The following C2CD3 variants were observed in gnomAD, a reference collection of about 807,000 sequenced individuals.
The protein encoded by C2CD3 is C2 domain-containing protein 3.
C2CD3 carries 148 observed loss-of-function variants against 234.0 expected under a neutral mutation model. That is an observed-to-expected ratio of 0.63 (90% confidence interval 0.55 to 0.72). The LOEUF is 0.72. Among genes scored for constraint, C2CD3 ranks in the 30% least tolerant of loss-of-function variants. The probability of loss-of-function intolerance (pLI) is 0.00; values close to 1 mark genes in which losing one functional copy is unlikely to be tolerated. For missense variants in C2CD3, 2,577 were observed against 2,811.5 expected (o/e 0.92, Z 1.89); for synonymous variants, 1,000 against 1,035.4 (o/e 0.97, Z 0.66).
chr11:74,147,790 T>C (rs1396081259), intron 3 of C2CD3, among the ~76,000 whole-genome samples: 4 of 152,258 alleles, frequency 2.6e-5, no homozygotes, highest in African/African-American at 9.6e-5. Context: ...TACTTTTTTG[T>C]ATTTTTCCAT....
intron 32 of C2CD3, among the ~76,000 whole-genome samples, chr11:74,015,503 C>A (rs4300409): frequency 4.6e-5 from 7 of 152,208 alleles, no homozygotes; most frequent in African/African-American, 1.7e-4. Flanking sequence ...TGACCCCCAG[C>A]TGTACTGCAG....
intron 29 of C2CD3, among the ~76,000 whole-genome samples, chr11:74,041,048 G>A (rs1953024851): frequency 1.3e-5 from 2 of 148,868 alleles, no homozygotes; most frequent in African/African-American, 5.0e-5. Context: ...AAATCTGTAT[G>A]GGTAACTTTT....
chr11:74,138,944 G>A lies in C2CD3; in HGVS notation c.731C>T (p.Ala244Val), dbSNP rs566199606. ...TPRGKDHVCF[A>V]ENPDTIKDSS... ...ATCCTTTATTGTATCAGGGTTCTCT[G>A]CAAAGCATACATGGTCTTTTCCCCT... Residue 244 changes from alanine (A) to valine (V), a missense_variant, in exon 5 of 33, where the codon GCA becomes GTA. Coordinates refer to ENST00000334126, the MANE Select transcript of C2CD3 (RefSeq NM_001286577.2). 5 of 1,611,048 alleles carry A rather than the reference G, an allele frequency of 3.1e-6. No homozygotes were observed. In the Admixed American group the frequency reaches 6.7e-5, roughly 21 times the overall value.
chr11:74,147,137 C>T (rs1262170485), intron 3 of C2CD3, among the ~76,000 whole-genome samples: 1 of 151,964 alleles, frequency 6.6e-6, no homozygotes, highest in African/African-American at 2.4e-5. Context: ...GAAAGCAGGC[C>T]AGGCACAGTG....
intron 20 of C2CD3, among the ~76,000 whole-genome samples, chr11:74,090,056 G>A (rs1955815699): frequency 6.6e-6 from 1 of 152,174 alleles, no homozygotes. Context: ...CAAAGGCCTT[G>A]AGAGGAAAAT....
chr11:74,098,480 A>G (rs187853680), intron 15 of C2CD3, among the ~76,000 whole-genome samples: 1 of 152,316 alleles, frequency 6.6e-6, no homozygotes, highest in Admixed American at 6.5e-5. Flanking sequence ...TGTGTCTGAT[A>G]TGTCTCTGTA....
chr11:74,138,668 G>A (rs1438431216), intron 5 of C2CD3, 52 bp downstream of exon 5: 8 of 1,463,816 alleles, frequency 5.5e-6, no homozygotes, highest in South Asian at 1.2e-5. Context: ...AACAAGCAGA[G>A]CAATCCCATA....
Position 74,156,862 on chromosome 11 carries a change from G to A in C2CD3, c.483+4537C>T, listed in dbSNP as rs145540518. Among the ~76,000 whole-genome samples the A allele has an allele frequency of 2.8e-3, 430 of 152,270 alleles. 2 individuals carry two copies. The highest frequency in any genetic ancestry group is 9.8e-3 in the African/African-American group (408 of 41,560). On this transcript the variant is annotated intron_variant, in intron 3 of 32. Transcript: ENST00000334126. ...GGTGTGCACCTGTAGTCCCAGCTACGCTGGAGGCTGTGGTGGGAGACTTGC... is the reference window on the plus strand; with the variant it reads ...GGTGTGCACCTGTAGTCCCAGCTACACTGGAGGCTGTGGTGGGAGACTTGC...
intron 3 of C2CD3, among the ~76,000 whole-genome samples, chr11:74,140,145 C>T (rs1048651470): frequency 6.6e-6 from 1 of 150,550 alleles, no homozygotes; most frequent in Non-Finnish European, 1.5e-5. Flanking sequence ...CCATTCCCTA[C>T]AGGATTGTAA....
intron 32 of C2CD3, among the ~76,000 whole-genome samples, chr11:74,025,695 T>G (rs936125060): frequency 6.6e-6 from 1 of 152,064 alleles, no homozygotes; most frequent in Non-Finnish European, 1.5e-5. Flanking sequence ...TCCACTATAC[T>G]GTGGGAGTAG....
At chr11:74,116,920 A>G (rs1309900927) in intron 9 of C2CD3, among the ~76,000 whole-genome samples, 5 of 121,890 alleles carry the variant, frequency 4.1e-5, no homozygotes, top group African/African-American at 1.4e-4. Context: ...GTATATATAC[A>G]TATACACGTG....
At chr11:74,111,973 T>C (rs961805890) in intron 11 of C2CD3, among the ~76,000 whole-genome samples, 73 of 140,864 alleles carry the variant, frequency 5.2e-4, no homozygotes, top group African/African-American at 1.5e-3. Flanking sequence ...CACACACATA[T>C]ATATATACAC....
intron 3 of C2CD3, among the ~76,000 whole-genome samples, chr11:74,142,527 G>A (rs1257145756): frequency 6.6e-6 from 1 of 152,154 alleles, no homozygotes; most frequent in Non-Finnish European, 1.5e-5. Flanking sequence ...TAAGTTTTAA[G>A]ATAAGGATGT....
At chr11:74,102,522 G>C (rs1956354036) in intron 14 of C2CD3, among the ~76,000 whole-genome samples, 1 of 152,230 alleles carries the variant, frequency 6.6e-6, no homozygotes, top group Non-Finnish European at 1.5e-5. Flanking sequence ...ATGGGGAGAA[G>C]TGGGTTGATT....
Position 74,040,384 on chromosome 11 carries a change from T to G in C2CD3, c.5660+1670A>C, listed in dbSNP as rs1952975764. ...GTCTATAGCACTATTGATCAATTTT[T>G]AACTTGTCTCATTAACCAAAAAGAT... On this transcript the variant is annotated intron_variant, in intron 29 of 32. Transcript: ENST00000334126. Among the ~76,000 whole-genome samples, 3 of 152,334 alleles carry G rather than the reference T, an allele frequency of 2.0e-5. No individual in the cohort carries two copies. The East Asian group carries it at 5.8e-4, about 29-fold the overall frequency.
intron 24 of C2CD3, among the ~76,000 whole-genome samples, chr11:74,059,603 G>C (rs913607123): frequency 4.6e-5 from 7 of 151,992 alleles, no homozygotes; most frequent in African/African-American, 1.7e-4. Flanking sequence ...TCACACTCAG[G>C]AACCACAGAT....
intron 2 of C2CD3, among the ~76,000 whole-genome samples, chr11:74,167,762 T>A (rs1179712027): frequency 1.3e-5 from 2 of 152,234 alleles, no homozygotes; most frequent in Non-Finnish European, 2.9e-5. Flanking sequence ...ACTTTTCTTG[T>A]ACAAAAATGA....
rs372290116 is a variant in C2CD3, at chr11:74,072,142, A to AT, written c.4951+2110dup. On this transcript the variant is annotated intron_variant, in intron 24 of 32. Transcript: ENST00000334126. Reference sequence around the variant, plus strand: ...AATGGCTGCTTTGGTGGGGCAGAAAATTTTTTTTTCTTTAAAAACAAGTAA... The same window carrying AT: ...AATGGCTGCTTTGGTGGGGCAGAAAATTTTTTTTTTCTTTAAAAACAAGTAA... 7.8e-3 allele frequency among the ~76,000 whole-genome samples: 1,184 copies of AT among 151,778 alleles called. 10 individuals are homozygous for AT. Among genetic ancestry groups the AT allele is most frequent in the Non-Finnish European group, 0.012 (840 of 67,898 alleles).
intron 3 of C2CD3, among the ~76,000 whole-genome samples, chr11:74,155,134 A>C (rs1378768683): frequency 6.6e-6 from 1 of 152,206 alleles, no homozygotes; most frequent in Non-Finnish European, 1.5e-5. Flanking sequence ...ACAAATCTTT[A>C]ATTATAGCTT....
Sources: gnomAD v4.1 joint callset for allele counts (sites outside exome capture counted in the v4.1 genomes callset) on GRCh38, gnomAD v4.1.1 for gene constraint, MANE v1.5 for transcripts, NCBI Gene and HGNC (gene_info 2026-07-23, HGNC 2026-07-21) for gene names.